Variants in TBC1D30 observed in about 807,000 individuals in gnomAD.
TBC1D30 encodes TBC1 domain family member 30.
Under a neutral mutation model 63.2 loss-of-function variants are expected in TBC1D30, and 31 were observed. The ratio of observed to expected loss-of-function variants is 0.49; its 90% CI spans 0.37 to 0.66. TBC1D30 has a LOEUF of 0.66. TBC1D30 is among the 30% of genes least tolerant of loss of function. The pLI, the probability that TBC1D30 is intolerant of heterozygous loss-of-function variation, is 0.00. For missense variants in TBC1D30, 810 were observed against 953.6 expected, an observed-to-expected ratio of 0.85 and a Z score of 1.98; for synonymous variants, 307 against 361.5, an observed-to-expected ratio of 0.85 and a Z score of 1.71.
In TBC1D30 at chr12:64,875,294, G is replaced by A. The variant is rs1183912846; in HGVS notation, c.1792G>A (p.Ala598Thr). The change falls in exon 12 of 12, where the codon GCC (alanine) becomes ACC (threonine). Residue 598 changes from alanine (A) to threonine (T), a missense_variant. This residue lies in a region of TBC1D30 where 450 missense variants were observed against 473.0 expected (regional missense o/e 0.95). Coordinates refer to ENST00000539867, the MANE Select transcript of TBC1D30 (RefSeq NM_015279.2). ...AGGGCTGATAGATGAGCAGAACGAGGCCAGCAAGACCAATGGGCTGGGGGC... is the reference window on the plus strand; with the variant it reads ...AGGGCTGATAGATGAGCAGAACGAGACCAGCAAGACCAATGGGCTGGGGGC... The part of the protein sequence containing the change: ...TVGLIDEQNE[A>T]SKTNGLGAAE... The A allele has an allele frequency of 2.3e-5, 35 of 1,536,182 alleles. No individual in the cohort carries two copies. Among genetic ancestry groups the A allele is most frequent in the Non-Finnish European group, 2.9e-5 (33 of 1,146,930 alleles).
At chr12:64,859,918 CG>C (rs1877633133) in intron 8 of TBC1D30, among the ~76,000 whole-genome samples, 1 of 151,950 alleles carries the variant, frequency 6.6e-6, no homozygotes, top group Non-Finnish European at 1.5e-5. Context: ...ATCTGGATGC[CG>C]CTCAATCTCC....
chr12:64,840,655 A>G (rs927102290), intron 7 of TBC1D30, among the ~76,000 whole-genome samples: 4 of 152,230 alleles, frequency 2.6e-5, no homozygotes, highest in African/African-American at 9.6e-5. Flanking sequence ...TGAGGCACAC[A>G]GAAGTTCAGT....
upstream of TBC1D30, among the ~76,000 whole-genome samples, chr12:64,778,363 G>A (rs1001349397): frequency 4.6e-5 from 7 of 151,922 alleles, no homozygotes; most frequent in Non-Finnish European, 8.8e-5. Flanking sequence ...AAATTCCTGC[G>A]CTCGGAAGCT....
rs754498782 is a variant in TBC1D30, at chr12:64,866,806, A to G, written c.1194A>G (p.Pro398=). The change falls in exon 10 of 12, where the codon CCA becomes CCG. Residue 398 remains proline, a synonymous_variant. Transcript: ENST00000539867. Reference sequence around the variant, plus strand: ...GAGACAGTGATGAAGAGAATGACCCAGACGATGAGGATGCTGTCGTTAATG... The same window carrying G: ...GAGACAGTGATGAAGAGAATGACCCGGACGATGAGGATGCTGTCGTTAATG... ...KARDSDEEND[P]DDEDAVVNAV... 2.0e-6 allele frequency: 3 copies of G among 1,536,688 alleles called. No homozygotes were observed. Among genetic ancestry groups the G allele is most frequent in the Middle Eastern group, 1.7e-4 (1 of 5,996 alleles).
At chr12:64,793,239 A>T (rs1393572299) in intron 2 of TBC1D30, among the ~76,000 whole-genome samples, 1 of 152,124 alleles carries the variant, frequency 6.6e-6, no homozygotes, top group Non-Finnish European at 1.5e-5. Context: ...GCTACTCGGG[A>T]GGCTGAGGCA....
At chr12:64,796,612 G>A (rs558658882) in intron 2 of TBC1D30, among the ~76,000 whole-genome samples, 21 of 152,258 alleles carry the variant, frequency 1.4e-4, no homozygotes, top group Middle Eastern at 6.8e-3. Flanking sequence ...CCATTTTTGT[G>A]TTTAGTTATA....
chr12:64,843,312 G>T, intron 7 of TBC1D30, 68 bp from the exon 8 acceptor site: 2 of 1,334,806 alleles, frequency 1.5e-6, no homozygotes, highest in Non-Finnish European at 2.1e-6. Context: ...TCTTATACCT[G>T]CAGCATGTAC....
intron 8 of TBC1D30, among the ~76,000 whole-genome samples, chr12:64,860,991 A>G (rs1012686021): frequency 7.2e-5 from 11 of 152,214 alleles, no homozygotes; most frequent in Non-Finnish European, 1.5e-4. Flanking sequence ...AAGGAATGAG[A>G]TGTGTTGGAT....
intron 7 of TBC1D30, among the ~76,000 whole-genome samples, chr12:64,841,785 T>C (rs1375981262): frequency 1.3e-5 from 2 of 152,248 alleles, no homozygotes; most frequent in Non-Finnish European, 2.9e-5. Flanking sequence ...ATTATTTCTC[T>C]TCCTTACCTC....
rs116307595 is a variant in TBC1D30 at position 64,843,936 on chromosome 12, C to T, written c.1038+451C>T. 5.4e-3 allele frequency among the ~76,000 whole-genome samples: 828 copies of T among 152,202 alleles called. 4 individuals are homozygous for T. Among genetic ancestry groups the T allele is most frequent in the African/African-American group, 9.9e-3 (411 of 41,522 alleles). On this transcript the variant is annotated intron_variant, in intron 8 of 11. Coordinates refer to ENST00000539867, the MANE Select transcript of TBC1D30 (RefSeq NM_015279.2). ...GCTCCTGAGTAACTGGGACTACAGG[C>T]GTATGCCACCATACAGCTAATTTTT...
rs1349703531 is a variant in TBC1D30, at chr12:64,881,013, A to G, written c.*5225A>G. Reference sequence around the variant, plus strand: ...GGAATCTATATTAAAACATGAAACAAAGCAAAAAATAAAAAAAAACCTCCT... The same window carrying G: ...GGAATCTATATTAAAACATGAAACAGAGCAAAAAATAAAAAAAAACCTCCT... On this transcript the variant is annotated 3_prime_UTR_variant, in exon 12 of 12. Coordinates refer to ENST00000539867, the MANE Select transcript of TBC1D30 (RefSeq NM_015279.2). 6.6e-6 allele frequency: 1 copy of G among 152,088 alleles called. No individual in the cohort carries two copies. The highest frequency in any genetic ancestry group is 1.5e-5 in the Non-Finnish European group (1 of 68,028). 9.4% of individuals were successfully genotyped at this position (152,088 alleles called of 1,614,324 possible).
intron 7 of TBC1D30, among the ~76,000 whole-genome samples, chr12:64,842,781 G>C (rs1302797152): frequency 6.6e-6 from 1 of 152,180 alleles, no homozygotes; most frequent in Non-Finnish European, 1.5e-5. Flanking sequence ...CTAACGAGTG[G>C]TGGGAATTCT....
chr12:64,843,849 T>A (rs1876119023), intron 8 of TBC1D30, among the ~76,000 whole-genome samples: 1 of 152,252 alleles, frequency 6.6e-6, no homozygotes, highest in South Asian at 2.1e-4. Context: ...TGGAGTGCAG[T>A]GGCACAATCG....
chr12:64,836,705 A>G (rs1473849683), intron 6 of TBC1D30, 47 bp downstream of exon 6: 1 of 1,483,006 alleles, frequency 6.7e-7, no homozygotes, highest in Admixed American at 2.0e-5. Flanking sequence ...GTCTTCTCTG[A>G]TTCCACTGTA....
intron 5 of TBC1D30, among the ~76,000 whole-genome samples, chr12:64,834,982 G>A (rs1461770822): frequency 6.6e-6 from 1 of 151,938 alleles, no homozygotes; most frequent in Non-Finnish European, 1.5e-5. Flanking sequence ...AGTTGTCAGT[G>A]TACATCCTTT....
At chr12:64,791,782 C>T (rs906372247) in intron 2 of TBC1D30, among the ~76,000 whole-genome samples, 2 of 151,804 alleles carry the variant, frequency 1.3e-5, no homozygotes, top group Non-Finnish European at 2.9e-5. Context: ...GAAGGTCTTG[C>T]TATACTACTC....
intron 4 of TBC1D30, among the ~76,000 whole-genome samples, chr12:64,830,903 AT>A: frequency 6.6e-6 from 1 of 152,184 alleles, no homozygotes; most frequent in East Asian, 1.9e-4. Context: ...TTAACTGCCA[AT>A]TTCTAAAGAC....
chr12:64,770,102 C>G (rs1870851833), intron 1 of TBC1D30, among the ~76,000 whole-genome samples: 1 of 152,198 alleles, frequency 6.6e-6, no homozygotes, highest in Non-Finnish European at 1.5e-5. Flanking sequence ...CTAGGCTCAT[C>G]TGAAACTTCC....
chr12:64,825,636 C>T (rs1861194184), intron 1 of TBC1D30: 1 of 152,570 alleles, frequency 6.6e-6, no homozygotes, highest in Non-Finnish European at 1.5e-5. Flanking sequence ...CTAGGCAAGG[C>T]CCTTCCCACT....
Sources: gnomAD v4.1 joint callset for allele counts (sites outside exome capture counted in the v4.1 genomes callset) on GRCh38, gnomAD v4.1.1 for gene constraint, gnomAD v4.1.1 regional missense constraint, MANE v1.5 for transcripts, NCBI Gene and HGNC (gene_info 2026-07-23, HGNC 2026-07-21) for gene names.